Variants in SMYD3 observed in about 807,000 individuals in gnomAD.
SMYD3 encodes SET and MYND domain containing 3, also known as histone-lysine N-methyltransferase SMYD3.
SMYD3 carries 36 observed loss-of-function variants against 57.7 expected under a neutral mutation model. The ratio of observed to expected loss-of-function variants is 0.62; its 90% CI spans 0.48 to 0.82. SMYD3 has a LOEUF of 0.82. Among genes scored for constraint, SMYD3 ranks in the 40% least tolerant of loss-of-function variants. The pLI is 0.00. For synonymous variants in SMYD3, 211 were observed against 195.0 expected (o/e 1.08, Z -0.68); for missense variants, 515 against 538.8 (o/e 0.96, Z 0.44).
chr1:245,769,200 G>C (rs567310717), intron 10 of SMYD3, among the ~76,000 whole-genome samples: 2 of 152,282 alleles, frequency 1.3e-5, no homozygotes, highest in Admixed American at 6.5e-5. Flanking sequence ...GGATGGTAAA[G>C]AATTTTACAG....
chr1:246,082,920 T>G (rs111702166), intron 5 of SMYD3, among the ~76,000 whole-genome samples: 12,706 of 146,804 alleles, frequency 0.087, 1,848 homozygotes, highest in African/African-American at 0.3. Context: ...GAAGGCAGCA[T>G]GCTCCTTAAG....
intron 1 of SMYD3, among the ~76,000 whole-genome samples, chr1:246,391,438 G>A (rs1312413097): frequency 6.7e-5 from 10 of 148,726 alleles, no homozygotes; most frequent in Admixed American, 6.1e-4. Flanking sequence ...GAGAGAGAGA[G>A]AGAAGGAGAG....
At chr1:246,095,167 T>C (rs1002283834) in intron 5 of SMYD3, among the ~76,000 whole-genome samples, 1 of 152,168 alleles carries the variant, frequency 6.6e-6, no homozygotes, top group African/African-American at 2.4e-5. Flanking sequence ...CCCCACACCA[T>C]GGGCTTGCGG....
intron 10 of SMYD3, among the ~76,000 whole-genome samples, chr1:245,807,865 A>G (rs982346399): frequency 1.3e-5 from 2 of 152,166 alleles, no homozygotes; most frequent in African/African-American, 4.8e-5. Context: ...ACACCGTGAA[A>G]AATTTAATTG....
intron 1 of SMYD3, among the ~76,000 whole-genome samples, chr1:246,497,572 T>G (rs2068383434): frequency 1.3e-5 from 2 of 152,218 alleles, no homozygotes; most frequent in Non-Finnish European, 2.9e-5. Context: ...TGAAACTTGA[T>G]CTACGAGGTG....
chr1:246,225,321 CAAAAAAAAA>C (rs60915002), intron 5 of SMYD3, among the ~76,000 whole-genome samples: 164 of 76,250 alleles, frequency 2.2e-3, no homozygotes, highest in African/African-American at 6.3e-3. Context: ...GCTGAAAAGT[CAAAAAAAAA>C]AAAAAAAAAA....
At chr1:246,332,746 T>C (rs2065481084) in intron 3 of SMYD3, among the ~76,000 whole-genome samples, 1 of 152,192 alleles carries the variant, frequency 6.6e-6, no homozygotes, top group African/African-American at 2.4e-5. Flanking sequence ...AGGCGGAGGT[T>C]GCAGTGAGCC....
chr1:246,257,759 C>G (rs1402921603), intron 5 of SMYD3, among the ~76,000 whole-genome samples: 1 of 152,112 alleles, frequency 6.6e-6, no homozygotes, highest in African/African-American at 2.4e-5. Context: ...CAGCTGTTTC[C>G]ATATTTAGAA....
At chr1:246,053,987 A>G (rs575293690) in intron 5 of SMYD3, among the ~76,000 whole-genome samples, 1 of 152,324 alleles carries the variant, frequency 6.6e-6, no homozygotes, top group South Asian at 2.1e-4. Flanking sequence ...AAACAAAAAG[A>G]CAAGTCACAA....
chr1:245,943,185 AAAATC>A (rs1383485286), intron 5 of SMYD3, among the ~76,000 whole-genome samples: 1 of 149,172 alleles, frequency 6.7e-6, no homozygotes, highest in African/African-American at 2.5e-5. Flanking sequence ...AAAAAAAAAA[AAAATC>A]AAAGAATACA....
chr1:246,266,219 T>A (rs2064103848), intron 5 of SMYD3, among the ~76,000 whole-genome samples: 3 of 152,200 alleles, frequency 2.0e-5, no homozygotes, highest in Admixed American at 1.3e-4. Flanking sequence ...GAAGTTTGGC[T>A]TTCTTTTTTT....
intron 10 of SMYD3, among the ~76,000 whole-genome samples, chr1:245,798,463 TACAC>T (rs1011531144): frequency 5.7e-4 from 7 of 12,302 alleles, no homozygotes; most frequent in South Asian, 3.9e-3. Flanking sequence ...TGCACACACA[TACAC>T]ACACATACAC....
chr1:245,894,175 TGCACCAATCAGTGCTCTGTAAAAAC>T (rs1275829066), intron 8 of SMYD3, among the ~76,000 whole-genome samples: 1 of 152,166 alleles, frequency 6.6e-6, no homozygotes, highest in East Asian at 1.9e-4. Context: ...GTTTGTAAAA[TGCACCAATCAGTGCTCTGTAAAAAC>T]GCACCAATCA....
At chr1:246,282,742 G>A (rs1361858657) in intron 5 of SMYD3, among the ~76,000 whole-genome samples, 1 of 152,152 alleles carries the variant, frequency 6.6e-6, no homozygotes, top group African/African-American at 2.4e-5. Flanking sequence ...TCTAGCAGAT[G>A]AGACTTCTGC....
chr1:245,897,207 G>C (rs1278212082), intron 8 of SMYD3, among the ~76,000 whole-genome samples: 2 of 152,234 alleles, frequency 1.3e-5, no homozygotes, highest in Non-Finnish European at 2.9e-5. Context: ...TCTTTAAGCT[G>C]AACCAGTAAG....
chr1:245,948,881 C>T (rs2057517320), intron 5 of SMYD3, among the ~76,000 whole-genome samples: 1 of 152,226 alleles, frequency 6.6e-6, no homozygotes, highest in Admixed American at 6.5e-5. Flanking sequence ...GTTCCACCAG[C>T]CCCAGTGACC....
chr1:246,379,032 T>A (rs1337476488), intron 1 of SMYD3, among the ~76,000 whole-genome samples: 5 of 141,876 alleles, frequency 3.5e-5, no homozygotes, highest in Admixed American at 3.0e-4. Context: ...AAGAAAACAA[T>A]ATTTTATATA....
chr1:245,925,645 C>T (rs368110751), intron 7 of SMYD3, among the ~76,000 whole-genome samples: 9 of 152,140 alleles, frequency 5.9e-5, no homozygotes, highest in South Asian at 2.1e-4. Context: ...GAAATACTGC[C>T]GGTCATTAGA....
chr1:246,084,303 C>G (rs531722115), intron 5 of SMYD3, among the ~76,000 whole-genome samples: 1 of 151,122 alleles, frequency 6.6e-6, no homozygotes, highest in African/African-American at 2.4e-5. Context: ...GCAGTCTCAA[C>G]ATTCTGGGCT....
Sources: gnomAD v4.1 joint callset for allele counts (sites outside exome capture counted in the v4.1 genomes callset) on GRCh38, gnomAD v4.1.1 for gene constraint, MANE v1.5 for transcripts, NCBI Gene and HGNC (gene_info 2026-07-23, HGNC 2026-07-21) for gene names.